The following PLCE1 variants were observed in gnomAD, a reference collection of about 807,000 sequenced individuals.
The protein encoded by PLCE1 is 1-phosphatidylinositol 4,5-bisphosphate phosphodiesterase epsilon-1.
PLCE1 carries 119 observed loss-of-function variants against 242.8 expected under a neutral mutation model. The observed-to-expected ratio is 0.49, with a 90% CI of 0.42 to 0.57. The LOEUF is 0.57. PLCE1 is among the 20% of genes least tolerant of loss of function. The pLI is 0.00. For missense variants in PLCE1, 2,441 were observed against 2,788.8 expected, an observed-to-expected ratio of 0.88 and a Z score of 2.81; for synonymous variants, 945 against 1,017.4, an observed-to-expected ratio of 0.93 and a Z score of 1.35.
intron 29 of PLCE1, among the ~76,000 whole-genome samples, chr10:94,317,820 G>A (rs184873379): frequency 1.2e-4 from 19 of 152,196 alleles, no homozygotes; most frequent in Admixed American, 5.2e-4. Context: ...ACAGTCATGC[G>A]TCATGACATG....
rs374582653 is a variant in PLCE1, at chr10:94,254,987, G to A, written c.3492G>A (p.Thr1164=). Residue 1164 remains threonine (T), a synonymous_variant, in exon 11 of 33, where the codon ACG becomes ACA. Transcript: ENST00000371380. ...GGTCCCCCAACTTGGCTGCCGGGAC[G>A]TCATCTCCCATCAGGCCAGTGTCCT... The part of the protein sequence containing the change: ...TAGSPNLAAG[T]SSPIRPVSSP... The A allele has an allele frequency of 5.6e-5, 91 of 1,613,952 alleles. No homozygotes were observed. The highest frequency in any genetic ancestry group is 1.3e-4 in the Admixed American group (8 of 59,996).
intron 10 of PLCE1, 63 bp from the exon 11 acceptor site, chr10:94,254,830 A>T: frequency 6.3e-7 from 1 of 1,577,368 alleles, no homozygotes; most frequent in Non-Finnish European, 8.7e-7. Flanking sequence ...TCTGGTTTGT[A>T]TTTGGTTCTG....
intron 2 of PLCE1, among the ~76,000 whole-genome samples, chr10:94,048,385 AC>A (rs1246916446): frequency 6.6e-6 from 1 of 151,640 alleles, no homozygotes; most frequent in African/African-American, 2.4e-5. Context: ...CAGTTTACAC[AC>A]CCCCCAACCC....
At chr10:94,230,209 C>T (rs2050094877) in intron 5 of PLCE1, among the ~76,000 whole-genome samples, 1 of 152,032 alleles carries the variant, frequency 6.6e-6, no homozygotes, top group Non-Finnish European at 1.5e-5. Context: ...TTTACTCAGT[C>T]ATGGTGTCAG....
At chr10:94,131,689 GA>G (rs1477165519) in intron 2 of PLCE1, among the ~76,000 whole-genome samples, 1 of 152,158 alleles carries the variant, frequency 6.6e-6, no homozygotes, top group Non-Finnish European at 1.5e-5. Context: ...GCCCAAAGGG[GA>G]AATAGGGAAG....
chr10:94,270,622 G>A lies in PLCE1; in HGVS notation c.4506+20G>A, dbSNP rs1194419762. On this transcript the variant is annotated intron_variant, in intron 18 of 32. Transcript: ENST00000371380. ...TTCAAGGTGAGCTCTCAACAAAAAG[G>A]CAGGATGGTATGTTGGCCCTTGTTT... The A allele has an allele frequency of 7.2e-6, 10 of 1,398,226 alleles. No individual in the cohort carries two copies. The highest frequency in any genetic ancestry group is 1.0e-5 in the Non-Finnish European group (10 of 982,882). The allele number at this position is 1,398,226 out of a possible 1,614,324, so 86.6% of individuals were successfully genotyped here. A position where few individuals can be genotyped will look rare whatever the true frequency, so the allele number is the denominator to read the frequency against.
At chr10:94,250,627 C>T (rs1318207625) in intron 8 of PLCE1, among the ~76,000 whole-genome samples, 1 of 152,116 alleles carries the variant, frequency 6.6e-6, no homozygotes, top group Non-Finnish European at 1.5e-5. Flanking sequence ...AAAGACTAAA[C>T]AAAGGTATCC....
At chr10:94,324,715 CTG>C in intron 31 of PLCE1, 148 bp downstream of exon 31, 1 of 989,506 alleles carries the variant, frequency 1.0e-6, no homozygotes, top group Non-Finnish European at 1.6e-6. Context: ...TTTGTTTTCA[CTG>C]TGTGAAAAAA....
chr10:94,195,691 A>C (rs2048798485), intron 4 of PLCE1, among the ~76,000 whole-genome samples: 2 of 152,296 alleles, frequency 1.3e-5, no homozygotes, highest in African/African-American at 2.4e-5. Context: ...ACCTGCTTGC[A>C]ATAGTTTTAG....
chr10:94,037,284 T>G (rs1426337399), intron 2 of PLCE1, among the ~76,000 whole-genome samples: 1 of 152,194 alleles, frequency 6.6e-6, no homozygotes, highest in Non-Finnish European at 1.5e-5. Context: ...AGGGGAGAGA[T>G]AATGTCTGTT....
At position 94,216,985 on chromosome 10, in the gene PLCE1, T is replaced by C. The variant is rs577878766; in HGVS notation, c.1810-10321T>C. On this transcript the variant is annotated intron_variant, in intron 4 of 32. Coordinates refer to ENST00000371380, the MANE Select transcript of PLCE1 (RefSeq NM_016341.4). Reference sequence around the variant, plus strand: ...GCTCTACTATCTTCCATTTTCTCTTTTATGAAGATTAGACTCAACAGTAAA... The same window carrying C: ...GCTCTACTATCTTCCATTTTCTCTTCTATGAAGATTAGACTCAACAGTAAA... Among the ~76,000 whole-genome samples, 12 of 150,616 alleles carry C rather than the reference T, an allele frequency of 8.0e-5. No individual in the cohort carries two copies. In the East Asian group the frequency reaches 2.4e-3, roughly 30 times the overall value.
At chr10:94,245,426 T>A (rs2050643098) in intron 7 of PLCE1, among the ~76,000 whole-genome samples, 1 of 152,236 alleles carries the variant, frequency 6.6e-6, no homozygotes, top group Non-Finnish European at 1.5e-5. Context: ...TGTTTTCTTA[T>A]GCTTATGGTC....
In PLCE1 at chr10:94,171,335, G is replaced by A. The variant is rs377400616; in HGVS notation, c.1648G>A (p.Val550Ile). Residue 550 changes from valine to isoleucine, a missense_variant, in exon 4 of 33, where the codon GTC (valine) becomes ATC (isoleucine). Around this residue, in one of 5 missense-constraint regions of PLCE1, gnomAD observed 733 missense variants for 754.2 expected, o/e 0.97. Transcript: ENST00000371380. ...GCAAGAGCAGACTATTTACCGCAGG[G>A]TCTTGCCAGTCGACTACCTTTGCTT... ...MEQEQTIYRR[V>I]LPVDYLCFLT... 1 of 1,614,178 alleles carries A rather than the reference G, an allele frequency of 6.2e-7. No individual in the cohort carries two copies. Among genetic ancestry groups the A allele is most frequent in the Non-Finnish European group, 8.5e-7 (1 of 1,180,028 alleles).
chr10:94,022,358 T>C (rs910408721), intron 1 of PLCE1, among the ~76,000 whole-genome samples: 4 of 151,850 alleles, frequency 2.6e-5, no homozygotes, highest in African/African-American at 9.7e-5. Flanking sequence ...TACAGATAAA[T>C]AAAAAACATT....
At chr10:94,093,934 CTTTTTT>C (rs398046178) in intron 2 of PLCE1, among the ~76,000 whole-genome samples, 1 of 79,192 alleles carries the variant, frequency 1.3e-5, no homozygotes, top group African/African-American at 5.5e-5. Flanking sequence ...ATCGGTATTT[CTTTTTT>C]TTTTTTTTTT....
At chr10:94,032,330 A>G (rs1055867998) in intron 2 of PLCE1, 78 bp downstream of exon 2, 7 of 1,294,536 alleles carry the variant, frequency 5.4e-6, no homozygotes, top group South Asian at 1.2e-5. Context: ...TTCCATTGTC[A>G]TAATTGATGA....
At chr10:94,078,651 A>G (rs1258107273) in intron 2 of PLCE1, among the ~76,000 whole-genome samples, 1 of 151,972 alleles carries the variant, frequency 6.6e-6, no homozygotes, top group Non-Finnish European at 1.5e-5. Flanking sequence ...ATGCCCGGAT[A>G]ATTTTTGTAT....
rs181471962 is a variant in PLCE1, at chr10:94,229,002, T to C, written c.1955+1551T>C. On this transcript the variant is annotated intron_variant, in intron 5 of 32. Transcript: ENST00000371380. ...TTTGAGACCAGCCTGGCCAACATGG[T>C]AAAACCCCATCTCTACTAAAAATAC... Among the ~76,000 whole-genome samples the C allele has an allele frequency of 2.6e-3, 390 of 152,020 alleles. 7 individuals carry two copies. The highest frequency in any genetic ancestry group is 0.019 in the Admixed American group (295 of 15,270).
At position 94,234,334 on chromosome 10, in the gene PLCE1, G is replaced by A. The variant is rs565395724; in HGVS notation, c.2214+22G>A. On this transcript the variant is annotated intron_variant, in intron 6 of 32. Transcript: ENST00000371380. ...AGAGGTAAGGCCTTTCAGAATCATC[G>A]TGGCCTGAAGAGCCACTGTTGCTGG... 140 of 1,612,202 alleles carry A rather than the reference G, an allele frequency of 8.7e-5. No individual in the cohort carries two copies. The East Asian group carries it at 1.9e-3, about 22-fold the overall frequency.
Sources: gnomAD v4.1 joint callset for allele counts (sites outside exome capture counted in the v4.1 genomes callset) on GRCh38, gnomAD v4.1.1 for gene constraint, gnomAD v4.1.1 regional missense constraint, MANE v1.5 for transcripts, NCBI Gene and HGNC (gene_info 2026-07-23, HGNC 2026-07-21) for gene names.